PCDH11X: variants seen among roughly 807,000 people sequenced by gnomAD.
The protein encoded by PCDH11X is protocadherin 11 X-linked, also known as protocadherin-11 X-linked.
In PCDH11X, 18 loss-of-function variants were observed where a neutral mutation model predicts 53.3. That is an observed-to-expected ratio of 0.34 (90% CI 0.23 to 0.50). The LOEUF (loss-of-function observed/expected upper bound fraction) is 0.50, where lower values mean the gene tolerates loss of function less well. Among genes scored for constraint, PCDH11X ranks in the 20% least tolerant of loss-of-function variants. PCDH11X has a pLI of 0.98. For missense variants in PCDH11X, 570 were observed against 1,032.4 expected, an observed-to-expected ratio of 0.55 and a Z score of 6.14; for synonymous variants, 279 against 393.3, an observed-to-expected ratio of 0.71 and a Z score of 3.44.
intron 6 of PCDH11X, among the ~76,000 whole-genome samples, chrX:91,907,442 G>GAGAGAGA (rs1569436527): frequency 2.2e-4 from 20 of 92,060 alleles, no homozygotes; most frequent in Non-Finnish European, 3.0e-4. Context: ...GAGAGAGAGA[G>GAGAGAGA]GCTGACATAA....
At chrX:92,221,246 ATT>A (rs1224812850) in intron 7 of PCDH11X, among the ~76,000 whole-genome samples, 93 of 38,286 alleles carry the variant, frequency 2.4e-3, no homozygotes, top group African/African-American at 6.5e-3. Flanking sequence ...AAAATTGCTC[ATT>A]TTTTTTTTAA....
At chrX:91,802,841 C>T (rs1602860936) in intron 1 of PCDH11X, among the ~76,000 whole-genome samples, 1 of 111,310 alleles carries the variant, frequency 9.0e-6, no homozygotes, top group African/African-American at 3.3e-5. Context: ...CTGAATTTCT[C>T]CTCACATCTG....
chrX:92,476,399 A>G (rs1399466887), intron 10 of PCDH11X, among the ~76,000 whole-genome samples: 3 of 107,736 alleles, frequency 2.8e-5, no homozygotes, highest in Non-Finnish European at 5.7e-5. Flanking sequence ...ATTCATTCTA[A>G]TTATTTCAAT....
chrX:91,840,593 G>A (rs1937491918), intron 5 of PCDH11X, among the ~76,000 whole-genome samples: 2 of 111,584 alleles, frequency 1.8e-5, no homozygotes, highest in Non-Finnish European at 3.8e-5. Flanking sequence ...TTTGTTTTGC[G>A]ATCTGGGGTT....
intron 6 of PCDH11X, among the ~76,000 whole-genome samples, chrX:91,931,619 A>T (rs2147839584): frequency 9.1e-6 from 1 of 110,361 alleles, no homozygotes; most frequent in African/African-American, 3.3e-5. Flanking sequence ...GGACTTATTT[A>T]AAAACTTCTA....
intron 7 of PCDH11X, among the ~76,000 whole-genome samples, chrX:92,248,731 G>T (rs765376562): frequency 1.8e-5 from 2 of 111,052 alleles, no homozygotes; most frequent in African/African-American, 6.6e-5. Flanking sequence ...TCACTCTGTC[G>T]CCCAGGCTGG....
intron 6 of PCDH11X, among the ~76,000 whole-genome samples, chrX:92,134,762 C>T (rs1287718774): frequency 9.0e-6 from 1 of 111,464 alleles, no homozygotes; most frequent in African/African-American, 3.3e-5. Context: ...GATGTTACCA[C>T]GTATTTGTTA....
intron 7 of PCDH11X, among the ~76,000 whole-genome samples, chrX:92,216,269 A>G (rs1187936943): frequency 9.0e-6 from 1 of 110,753 alleles, no homozygotes; most frequent in Non-Finnish European, 1.9e-5. Context: ...ACAGGAGGAA[A>G]TTCAAACCAA....
At chrX:92,046,420 C>T (rs778608720) in intron 6 of PCDH11X, among the ~76,000 whole-genome samples, 38 of 111,323 alleles carry the variant, frequency 3.4e-4, no homozygotes, top group Admixed American at 2.5e-3. Context: ...ATCTACCAAA[C>T]GCAAAATTAT....
intron 9 of PCDH11X, among the ~76,000 whole-genome samples, chrX:92,466,535 A>G (rs1217632134): frequency 9.1e-6 from 1 of 110,132 alleles, no homozygotes; most frequent in African/African-American, 3.3e-5. Flanking sequence ...GATGAATTCG[A>G]GAAATTCTTC....
At chrX:92,490,638 G>A (rs748301194) in intron 10 of PCDH11X, among the ~76,000 whole-genome samples, 1 of 109,652 alleles carries the variant, frequency 9.1e-6, no homozygotes, top group Admixed American at 1.0e-4. Context: ...GAAATGGCAT[G>A]AACAGTGACA....
chrX:92,017,065 A>G (rs2062806610), intron 6 of PCDH11X, among the ~76,000 whole-genome samples: 1 of 101,329 alleles, frequency 9.9e-6, no homozygotes, highest in Admixed American at 1.1e-4. Context: ...GGAAAGGGCC[A>G]GTTCACGTCG....
chrX:92,211,542 G>A (rs1311908391), intron 7 of PCDH11X, among the ~76,000 whole-genome samples: 1 of 111,855 alleles, frequency 8.9e-6, no homozygotes, highest in Non-Finnish European at 1.9e-5. Flanking sequence ...GTGATGGAAT[G>A]TGAGAATTAG....
chrX:92,477,287 G>A (rs2750786), intron 10 of PCDH11X, among the ~76,000 whole-genome samples: 2 of 103,927 alleles, frequency 1.9e-5, no homozygotes, highest in South Asian at 4.8e-4. Context: ...TCTATTGTAC[G>A]GCAACTGAGC....
At chrX:91,913,312 A>G (rs1941440691) in intron 6 of PCDH11X, among the ~76,000 whole-genome samples, 1 of 111,651 alleles carries the variant, frequency 9.0e-6, no homozygotes, top group African/African-American at 3.3e-5. Flanking sequence ...TCCTAAAGCC[A>G]TGCTTGCTTT....
At chrX:92,012,827 G>A (rs1162039420) in intron 6 of PCDH11X, among the ~76,000 whole-genome samples, 1 of 111,681 alleles carries the variant, frequency 9.0e-6, no homozygotes, top group Non-Finnish European at 1.9e-5. Context: ...AAATTTTTTA[G>A]TATAAACATA....
At chrX:91,813,932 T>C (rs1936373791) in intron 4 of PCDH11X, among the ~76,000 whole-genome samples, 1 of 105,616 alleles carries the variant, frequency 9.5e-6, no homozygotes, top group African/African-American at 3.4e-5. Flanking sequence ...AATGTTGTTG[T>C]CAGCTGTAAC....
chrX:92,541,857 G>A (rs1298931506), intron 10 of PCDH11X, among the ~76,000 whole-genome samples: 1 of 110,801 alleles, frequency 9.0e-6, no homozygotes, highest in Non-Finnish European at 1.9e-5. Context: ...GCTGAGGCAG[G>A]AGAATTGCTT....
In PCDH11X at chrX:92,264,021, AATCTT is replaced by A. The variant is rs1438666212; in HGVS notation, c.3144+884_3144+888del. On this transcript the variant is annotated intron_variant, in intron 8 of 10. Coordinates refer to ENST00000682573, the MANE Select transcript of PCDH11X (RefSeq NM_032968.5). ...AAATGCTATCCATATTAGGCACCAGAATCTTATCTTTGCTGTTGCTAAGTTAAATA... is the reference window on the plus strand; with the variant it reads ...AAATGCTATCCATATTAGGCACCAGAATCTTTGCTGTTGCTAAGTTAAATA... Among the ~76,000 whole-genome samples, 3 of 112,041 alleles carry A rather than the reference AATCTT, an allele frequency of 2.7e-5. No homozygotes were observed. In the Admixed American group the frequency reaches 2.8e-4, roughly 11 times the overall value.
Sources: gnomAD v4.1 joint callset for allele counts (sites outside exome capture counted in the v4.1 genomes callset) on GRCh38, gnomAD v4.1.1 for gene constraint, MANE v1.5 for transcripts, NCBI Gene and HGNC (gene_info 2026-07-23, HGNC 2026-07-21) for gene names.